The following DACH1 variants were observed in gnomAD, a reference collection of about 807,000 sequenced individuals.
The protein encoded by DACH1 is dachshund family transcription factor 1, also known as dachshund homolog 1.
In DACH1, 12 loss-of-function variants were observed where a neutral mutation model predicts 54.2. The ratio of observed to expected loss-of-function variants is 0.22; its 90% CI spans 0.14 to 0.36. DACH1 has a LOEUF of 0.36. Among genes scored for constraint, DACH1 ranks in the 10% least tolerant of loss-of-function variants. DACH1 has a pLI of 1.00. For missense variants in DACH1, 805 were observed against 929.8 expected (o/e 0.87, Z 1.75); for synonymous variants, 386 against 366.2 (o/e 1.05, Z -0.62).
At chr13:71,581,535 T>C (rs1396643460) in intron 3 of DACH1, among the ~76,000 whole-genome samples, 2 of 152,172 alleles carry the variant, frequency 1.3e-5, no homozygotes, top group Admixed American at 6.5e-5. Context: ...ATAATGGGCA[T>C]GAGCCACCGC....
At chr13:71,529,183 G>GTTTTTTTTTT (rs10707603) in intron 6 of DACH1, among the ~76,000 whole-genome samples, 2 of 80,980 alleles carry the variant, frequency 2.5e-5, no homozygotes, top group African/African-American at 8.7e-5. Flanking sequence ...TGTGATTTGG[G>GTTTTTTTTTT]TTTTTTTTTT....
At position 71,865,567 on chromosome 13, in the gene DACH1, G is replaced by T. The variant is rs1325434226; in HGVS notation, c.848+355C>A. 2.0e-5 allele frequency among the ~76,000 whole-genome samples: 3 copies of T among 152,092 alleles called. No individual in the cohort carries two copies. The East Asian group carries it at 5.9e-4, about 30-fold the overall frequency. On this transcript the variant is annotated intron_variant, in intron 1 of 10. Coordinates refer to ENST00000613252, the MANE Select transcript of DACH1 (RefSeq NM_080759.6). ...GCAGCGCTGAGAGGGGTCTCCAGGCGCCCGCGCGCCCGGGGCAGGGGGCTG... is the reference window on the plus strand; with the variant it reads ...GCAGCGCTGAGAGGGGTCTCCAGGCTCCCGCGCGCCCGGGGCAGGGGGCTG...
chr13:71,826,439 A>G (rs1888383558), intron 1 of DACH1, among the ~76,000 whole-genome samples: 1 of 151,894 alleles, frequency 6.6e-6, no homozygotes, highest in South Asian at 2.1e-4. Flanking sequence ...TGTGATCATG[A>G]TTTCTCACGT....
intron 2 of DACH1, among the ~76,000 whole-genome samples, chr13:71,671,808 G>A (rs1202037571): frequency 1.3e-5 from 2 of 152,092 alleles, no homozygotes; most frequent in Non-Finnish European, 2.9e-5. Flanking sequence ...GAAAATTTGA[G>A]GTTTTATTAG....
chr13:71,640,048 C>T (rs1334493754), intron 2 of DACH1, among the ~76,000 whole-genome samples: 1 of 151,958 alleles, frequency 6.6e-6, no homozygotes, highest in East Asian at 1.9e-4. Flanking sequence ...TGAGGTTAAT[C>T]ATTTCTGTAA....
chr13:71,820,705 A>T (rs888695449), intron 1 of DACH1, among the ~76,000 whole-genome samples: 1 of 152,204 alleles, frequency 6.6e-6, no homozygotes, highest in Non-Finnish European at 1.5e-5. Flanking sequence ...ATCCACATTC[A>T]TGTAGAAAGA....
intron 3 of DACH1, among the ~76,000 whole-genome samples, chr13:71,588,987 A>G (rs1873492758): frequency 6.6e-6 from 1 of 152,056 alleles, no homozygotes; most frequent in African/African-American, 2.4e-5. Flanking sequence ...ACATATTACC[A>G]TTATTAGCAA....
intron 2 of DACH1, among the ~76,000 whole-genome samples, chr13:71,641,181 A>C (rs964771655): frequency 6.6e-6 from 1 of 152,110 alleles, no homozygotes; most frequent in Non-Finnish European, 1.5e-5. Flanking sequence ...ACAGTAAATA[A>C]ATGTTTTTCA....
intron 6 of DACH1, among the ~76,000 whole-genome samples, chr13:71,523,921 T>C (rs1881777769): frequency 6.6e-6 from 1 of 152,188 alleles, no homozygotes; most frequent in African/African-American, 2.4e-5. Context: ...GAAAATTATA[T>C]GTTACCACAG....
At chr13:71,508,706 A>G (rs1389303768) in intron 6 of DACH1, among the ~76,000 whole-genome samples, 3 of 152,018 alleles carry the variant, frequency 2.0e-5, no homozygotes, top group African/African-American at 4.8e-5. Flanking sequence ...GGCTCACGCC[A>G]TCCTCCTGCC....
intron 1 of DACH1, among the ~76,000 whole-genome samples, chr13:71,765,043 T>C (rs2138018529): frequency 6.6e-6 from 1 of 152,302 alleles, no homozygotes; most frequent in African/African-American, 2.4e-5. Context: ...CATTCCAATT[T>C]CCAATCTTCA....
At chr13:71,861,523 A>G (rs137877267) in intron 1 of DACH1, among the ~76,000 whole-genome samples, 103 of 152,130 alleles carry the variant, frequency 6.8e-4, no homozygotes, top group African/African-American at 2.3e-3. Flanking sequence ...TTATTCATAC[A>G]CTAGTTATTA....
intron 2 of DACH1, among the ~76,000 whole-genome samples, chr13:71,660,109 C>T (rs947051299): frequency 6.6e-6 from 1 of 152,054 alleles, no homozygotes. Context: ...ACATAGCCTG[C>T]TGTAGGGAAT....
chr13:71,478,198 C>T (rs954951566), intron 8 of DACH1, among the ~76,000 whole-genome samples: 21 of 152,200 alleles, frequency 1.4e-4, no homozygotes, highest in Non-Finnish European at 2.5e-4. Context: ...CAATGTTTAC[C>T]TTGTTTTGAT....
intron 8 of DACH1, among the ~76,000 whole-genome samples, chr13:71,477,490 T>A (rs1257370278): frequency 6.6e-6 from 1 of 152,078 alleles, no homozygotes; most frequent in African/African-American, 2.4e-5. Flanking sequence ...CATATATTTT[T>A]AAAAACCTGT....
At chr13:71,655,947 T>A (rs913640692) in intron 2 of DACH1, among the ~76,000 whole-genome samples, 2 of 152,212 alleles carry the variant, frequency 1.3e-5, no homozygotes, top group African/African-American at 4.8e-5. Flanking sequence ...TCACATTTTT[T>A]ATGAAGCATA....
intron 1 of DACH1, among the ~76,000 whole-genome samples, chr13:71,744,936 C>G (rs961350743): frequency 2.6e-5 from 4 of 152,084 alleles, no homozygotes; most frequent in African/African-American, 4.8e-5. Context: ...GAAAAGAATA[C>G]TAGATTTAGA....
At chr13:71,656,727 A>G (rs1879111814) in intron 2 of DACH1, among the ~76,000 whole-genome samples, 1 of 151,028 alleles carries the variant, frequency 6.6e-6, no homozygotes. Context: ...ATCTCCAAAC[A>G]TTTTTGAATA....
In DACH1 at chr13:71,685,550, T is replaced by A. The variant is rs1051491710; in HGVS notation, c.849-3640A>T. On this transcript the variant is annotated intron_variant, in intron 1 of 10. Coordinates refer to ENST00000613252, the MANE Select transcript of DACH1 (RefSeq NM_080759.6). ...CTTGGCTGAGGAGAAGTTGGAAAAT[T>A]TATTTATTAACAAGACTTTTCTCTA... Among the ~76,000 whole-genome samples, 2 of 152,164 alleles carry A rather than the reference T, an allele frequency of 1.3e-5. 1 individual carries two copies. Among genetic ancestry groups the A allele is most frequent in the East Asian group, 3.9e-4 (2 of 5,190 alleles).
Sources: gnomAD v4.1 joint callset for allele counts (sites outside exome capture counted in the v4.1 genomes callset) on GRCh38, gnomAD v4.1.1 for gene constraint, MANE v1.5 for transcripts, NCBI Gene and HGNC (gene_info 2026-07-23, HGNC 2026-07-21) for gene names.